The following COX10 variants were observed in gnomAD, a reference collection of about 807,000 sequenced individuals.
COX10 encodes protoheme IX farnesyltransferase, mitochondrial.
Under a neutral mutation model 37.3 loss-of-function variants are expected in COX10, and 27 were observed. The observed-to-expected ratio is 0.72, with a 90% CI of 0.53 to 1.00. COX10 has a LOEUF of 1.00. Among genes scored for constraint, COX10 ranks in the 50% least tolerant of loss-of-function variants. The probability of loss-of-function intolerance (pLI) is 0.00; values close to 1 mark genes in which losing one functional copy is unlikely to be tolerated. For synonymous variants in COX10, 222 were observed against 229.1 expected (o/e 0.97, Z 0.28); for missense variants, 475 against 563.2 (o/e 0.84, Z 1.59).
intron 4 of COX10, among the ~76,000 whole-genome samples, chr17:14,156,665 G>A (rs1000351761): frequency 6.6e-6 from 1 of 152,168 alleles, no homozygotes; most frequent in Non-Finnish European, 1.5e-5. Flanking sequence ...CTTCTTCTGT[G>A]TCTGGAGTGC....
rs1280070694 is a variant in COX10, at chr17:14,192,290, G to A, written c.928+69G>A. Reference sequence around the variant, plus strand: ...CAAGGAGGCATTTCCTCCCTGAGCTGTAGCACTTGGTTCGATTCCATTCCA... The same window carrying A: ...CAAGGAGGCATTTCCTCCCTGAGCTATAGCACTTGGTTCGATTCCATTCCA... On this transcript the variant is annotated intron_variant, in intron 6 of 6. Transcript: ENST00000261643. 5 of 1,613,800 alleles carry A rather than the reference G, an allele frequency of 3.1e-6. No homozygotes were observed. In the African/African-American group the frequency reaches 6.7e-5, roughly 22 times the overall value.
intron 3 of COX10, among the ~76,000 whole-genome samples, chr17:14,087,231 G>A (rs564862124): frequency 6.0e-4 from 91 of 152,182 alleles, no homozygotes; most frequent in Non-Finnish European, 1.1e-3. Context: ...GTGGGTCTGT[G>A]GTAAATCTTT....
At chr17:14,116,857 C>T (rs916640403) in intron 4 of COX10, among the ~76,000 whole-genome samples, 1 of 152,154 alleles carries the variant, frequency 6.6e-6, no homozygotes, top group Non-Finnish European at 1.5e-5. Flanking sequence ...CCAGAGCGAT[C>T]TTCTGGAAAT....
chr17:14,169,629 G>T (rs1019665612), intron 5 of COX10, among the ~76,000 whole-genome samples: 3 of 152,214 alleles, frequency 2.0e-5, no homozygotes, highest in African/African-American at 7.2e-5. Flanking sequence ...TGACTTGTTT[G>T]AACATTTCTG....
rs1555541263 is a variant in COX10, at chr17:14,192,015, C to T, written c.722C>T (p.Thr241Ile). 4 of 1,614,204 alleles carry T rather than the reference C, an allele frequency of 2.5e-6. No individual in the cohort carries two copies. The highest frequency in any genetic ancestry group is 3.4e-6 in the Non-Finnish European group (4 of 1,180,040). ...ISPLLAVSFA[T>I]CCAVPGVAIL... ...CCATTGCTAGCTGTGTCCTTTGCCA[C>T]TTGTTGTGCTGTTCCGGGAGTTGCC... Residue 241 changes from threonine to isoleucine, a missense_variant, in exon 6 of 7, where the codon ACT becomes ATT. By Grantham distance (89) the Thr-to-Ile change is moderately conservative. Transcript: ENST00000261643.
intron 4 of COX10, among the ~76,000 whole-genome samples, chr17:14,132,663 C>G (rs1567598507): frequency 6.6e-6 from 1 of 151,424 alleles, no homozygotes; most frequent in Non-Finnish European, 1.5e-5. Context: ...AGGATATATT[C>G]ATAGTTTAAC....
chr17:14,085,753 AAC>A (rs757133961), intron 3 of COX10, among the ~76,000 whole-genome samples: 5 of 152,182 alleles, frequency 3.3e-5, no homozygotes, highest in Non-Finnish European at 7.4e-5. Context: ...TTGTTAGAGC[AAC>A]AGGTACGCAT....
intron 4 of COX10, among the ~76,000 whole-genome samples, chr17:14,142,204 A>G (rs1481812299): frequency 6.6e-6 from 1 of 152,234 alleles, no homozygotes; most frequent in South Asian, 2.1e-4. Context: ...GAAGTATTTT[A>G]CTAAGACATT....
At chr17:14,142,957 C>T (rs1904591268) in intron 4 of COX10, among the ~76,000 whole-genome samples, 1 of 152,178 alleles carries the variant, frequency 6.6e-6, no homozygotes, top group Admixed American at 6.6e-5. Context: ...CTGTGCATGA[C>T]AAATGTCTTA....
intron 5 of COX10, among the ~76,000 whole-genome samples, chr17:14,170,965 G>A (rs951307070): frequency 1.3e-5 from 2 of 152,280 alleles, no homozygotes; most frequent in African/African-American, 4.8e-5. Flanking sequence ...GAATTTGAAT[G>A]TCTTTAAAAT....
chr17:14,154,378 G>A (rs2142235462), intron 4 of COX10, among the ~76,000 whole-genome samples: 1 of 152,288 alleles, frequency 6.6e-6, no homozygotes, highest in African/African-American at 2.4e-5. Flanking sequence ...ACATTGCTAT[G>A]TTGTAAAATT....
intron 3 of COX10, among the ~76,000 whole-genome samples, chr17:14,097,707 A>G (rs1227979273): frequency 2.6e-5 from 4 of 152,152 alleles, no homozygotes; most frequent in African/African-American, 9.6e-5. Flanking sequence ...TTCTTTTTAG[A>G]ACATTTCTAT....
At chr17:14,097,315 T>C (rs1915672707) in intron 3 of COX10, among the ~76,000 whole-genome samples, 1 of 145,676 alleles carries the variant, frequency 6.9e-6, no homozygotes, top group African/African-American at 2.5e-5. Flanking sequence ...TGTTAGCTTT[T>C]GGGTTTTTTT....
In COX10 at chr17:14,169,310, T is replaced by C. The variant is rs189074136; in HGVS notation, c.695+9363T>C. Among the ~76,000 whole-genome samples the C allele has an allele frequency of 2.6e-4, 39 of 152,340 alleles. 1 individual carries two copies. Among genetic ancestry groups the C allele is most frequent in the African/African-American group, 8.2e-4 (34 of 41,586 alleles). On this transcript the variant is annotated intron_variant, in intron 5 of 6. Coordinates refer to ENST00000261643, the MANE Select transcript of COX10 (RefSeq NM_001303.4). Reference sequence around the variant, plus strand: ...ACCTTAGCCTGGACTTCATTGTCTGTATCACTATGAGCATTTTGGTTAAAA... The same window carrying C: ...ACCTTAGCCTGGACTTCATTGTCTGCATCACTATGAGCATTTTGGTTAAAA...
In COX10 at chr17:14,109,910, G is replaced by A. The variant is rs144014700; in HGVS notation, c.624+7668G>A. On this transcript the variant is annotated intron_variant, in intron 4 of 6. Transcript: ENST00000261643. Reference sequence around the variant, plus strand: ...ATTATTGTTATTAACATAAAAGTTTGGTCAGGTTTTGGCCCACATCTTTCA... The same window carrying A: ...ATTATTGTTATTAACATAAAAGTTTAGTCAGGTTTTGGCCCACATCTTTCA... Among the ~76,000 whole-genome samples the A allele has an allele frequency of 4.6e-5, 7 of 152,180 alleles. No homozygotes were observed. The East Asian group carries it at 1.3e-3, about 29-fold the overall frequency.
intron 4 of COX10, among the ~76,000 whole-genome samples, chr17:14,116,836 C>T (rs1916124844): frequency 1.3e-5 from 2 of 152,258 alleles, no homozygotes; most frequent in South Asian, 2.1e-4. Context: ...ACAGCATCCT[C>T]AACACAACAT....
At chr17:14,126,691 A>C (rs2142216370) in intron 4 of COX10, among the ~76,000 whole-genome samples, 1 of 152,228 alleles carries the variant, frequency 6.6e-6, no homozygotes, top group East Asian at 1.9e-4. Flanking sequence ...TGTTGGTGGC[A>C]GGGGATGTCT....
chr17:14,158,520 CAT>C (rs1454644483), intron 4 of COX10, among the ~76,000 whole-genome samples: 1 of 151,476 alleles, frequency 6.6e-6, no homozygotes, highest in Non-Finnish European at 1.5e-5. Context: ...TTATAGAACA[CAT>C]ATTGAGTACA....
At chr17:14,091,718 A>G (rs975077325) in intron 3 of COX10, among the ~76,000 whole-genome samples, 2 of 152,214 alleles carry the variant, frequency 1.3e-5, no homozygotes, top group African/African-American at 4.8e-5. Context: ...GTGTTCTGCA[A>G]AATAAGCACA....
Sources: gnomAD v4.1 joint callset for allele counts (sites outside exome capture counted in the v4.1 genomes callset) on GRCh38, gnomAD v4.1.1 for gene constraint, MANE v1.5 for transcripts, NCBI Gene and HGNC (gene_info 2026-07-23, HGNC 2026-07-21) for gene names.